Variants in ATP13A4 observed in about 807,000 individuals in gnomAD.
ATP13A4 encodes the protein probable cation-transporting ATPase 13A4.
ATP13A4 carries 114 observed loss-of-function variants against 142.5 expected under a neutral mutation model. The observed-to-expected ratio is 0.80, with a 90% CI of 0.69 to 0.93. The LOEUF (loss-of-function observed/expected upper bound fraction) is 0.93. Among genes scored for constraint, ATP13A4 ranks in the 40% least tolerant of loss-of-function variants. The pLI, the probability that ATP13A4 is intolerant of heterozygous loss-of-function variation, is 0.00. For missense variants in ATP13A4, 1,392 were observed against 1,454.0 expected (o/e 0.96, Z 0.69); for synonymous variants, 488 against 514.8 (o/e 0.95, Z 0.70).
chr3:193,580,488 G>C (rs955089536), intron 2 of ATP13A4, among the ~76,000 whole-genome samples: 1 of 152,162 alleles, frequency 6.6e-6, no homozygotes, highest in Admixed American at 6.6e-5. Context: ...CCTTCTGCAA[G>C]GCACACAATT....
chr3:193,497,249 T>C (rs1489510970), intron 3 of ATP13A4, among the ~76,000 whole-genome samples: 1 of 152,042 alleles, frequency 6.6e-6, no homozygotes, highest in Non-Finnish European at 1.5e-5. Context: ...TGATAGAAAA[T>C]GGGCAAAAGA....
Position 193,541,758 on chromosome 3 carries a change from A to C in ATP13A4, c.60+12982T>G, listed in dbSNP as rs574030696. Among the ~76,000 whole-genome samples the C allele has an allele frequency of 5.9e-5, 9 of 152,342 alleles. No homozygotes were observed. In the South Asian group the frequency reaches 6.2e-4, roughly 11 times the overall value. On this transcript the variant is annotated intron_variant, in intron 1 of 29. Coordinates refer to ENST00000342695, the MANE Select transcript of ATP13A4 (RefSeq NM_032279.4). ...CAACTCTAGGAGAGGGCATGTGACA[A>C]CAAGCATAGTATTCCAATGGCCACA... is the stretch of plus-strand genomic sequence containing the variant.
At chr3:193,461,920 T>C (rs554620628) in intron 13 of ATP13A4, among the ~76,000 whole-genome samples, 1 of 152,206 alleles carries the variant, frequency 6.6e-6, no homozygotes, top group South Asian at 2.1e-4. Context: ...CGTCTTTTCT[T>C]GCTAGGAAAA....
At chr3:193,570,277 C>T (rs1724231105) in intron 2 of ATP13A4, among the ~76,000 whole-genome samples, 1 of 152,150 alleles carries the variant, frequency 6.6e-6, no homozygotes, top group Non-Finnish European at 1.5e-5. Context: ...TGTGTAATTG[C>T]ACCACTGCAC....
At chr3:193,490,871 T>G (rs1040294875) in intron 6 of ATP13A4, among the ~76,000 whole-genome samples, 1 of 152,126 alleles carries the variant, frequency 6.6e-6, no homozygotes, top group African/African-American at 2.4e-5. Context: ...ATGAGCTCAG[T>G]GATGGGGTCC....
chr3:193,445,297 G>A (rs1015413085), intron 18 of ATP13A4, among the ~76,000 whole-genome samples: 9 of 151,882 alleles, frequency 5.9e-5, no homozygotes, highest in Middle Eastern at 3.2e-3. Context: ...TTAGCCAGGC[G>A]TTGTGTTGCG....
intron 16 of ATP13A4, 30 bp from the exon 17 acceptor site, chr3:193,454,242 G>T: frequency 6.6e-7 from 1 of 1,519,116 alleles, no homozygotes. Flanking sequence ...GGGTTAGTAC[G>T]CAGTTATTTG....
chr3:193,476,064 G>A (rs776921313), intron 8 of ATP13A4, among the ~76,000 whole-genome samples: 1 of 151,944 alleles, frequency 6.6e-6, no homozygotes, highest in Non-Finnish European at 1.5e-5. Context: ...GAAATTATAA[G>A]GTCAGTATAA....
intron 2 of ATP13A4, among the ~76,000 whole-genome samples, chr3:193,569,275 G>A (rs1012243482): frequency 6.6e-6 from 1 of 152,218 alleles, no homozygotes; most frequent in East Asian, 1.9e-4. Flanking sequence ...ATAAAGGGAC[G>A]TGGTACAAAA....
At chr3:193,554,661 T>A in intron 1 of ATP13A4, 79 bp downstream of exon 1, 5 of 301,504 alleles carry the variant, frequency 1.7e-5, no homozygotes, top group Non-Finnish European at 2.4e-5. Context: ...TGCGTGTGTG[T>A]GTGTGTGTGT....
chr3:193,501,539 G>C (rs1285946417), intron 3 of ATP13A4, among the ~76,000 whole-genome samples: 3 of 147,584 alleles, frequency 2.0e-5, no homozygotes, highest in Non-Finnish European at 3.0e-5. Context: ...AGTGAGCCAA[G>C]ACAGCGCCAT....
chr3:193,401,382 G>A lies in ATP13A4; in HGVS notation c.*1270C>T, dbSNP rs2108596958. ...CAATTTTAGTTTTCTGGAAACTCAA[G>A]CCACAAACTTTAAAAAAAAAATGTA... On this transcript the variant is annotated 3_prime_UTR_variant, in exon 30 of 30. Coordinates refer to ENST00000342695, the MANE Select transcript of ATP13A4 (RefSeq NM_032279.4). Among the ~76,000 whole-genome samples the A allele has an allele frequency of 6.6e-6, 1 of 152,006 alleles. No individual in the cohort carries two copies. The highest frequency in any genetic ancestry group is 1.5e-5 in the Non-Finnish European group (1 of 67,994).
intron 25 of ATP13A4, chr3:193,418,989 T>C (rs1448933042): frequency 2.0e-5 from 3 of 150,370 alleles, no homozygotes; most frequent in Non-Finnish European, 2.9e-5. Flanking sequence ...ATTCCCACTG[T>C]ACCATGTCCT....
intron 18 of ATP13A4, among the ~76,000 whole-genome samples, chr3:193,445,613 T>C (rs1716903725): frequency 6.7e-6 from 1 of 150,098 alleles, no homozygotes; most frequent in African/African-American, 2.5e-5. Context: ...AAAAATTAGC[T>C]GGGCGTGGTG....
Position 193,457,085 on chromosome 3 carries a change from G to C in ATP13A4, c.1830C>G (p.Val610=), listed in dbSNP as rs759744779. The C allele has an allele frequency of 6.2e-7, 1 of 1,613,994 alleles. No homozygotes were observed. Among genetic ancestry groups the C allele is most frequent in the Non-Finnish European group, 8.5e-7 (1 of 1,180,048 alleles). Residue 610 remains valine (V), a synonymous_variant, in exon 16 of 30, where the codon GTC becomes GTG. Transcript: ENST00000342695. ...GGTCACCTCCCATCTCTTGGACAATGACTGTCATTCTTTGCAGTGCCGATG... is the reference window on the plus strand; with the variant it reads ...GGTCACCTCCCATCTCTTGGACAATCACTGTCATTCTTTGCAGTGCCGATG... ...PFSSALQRMT[V]IVQEMGGDRL... is the part of the protein sequence containing the mutation.
intron 3 of ATP13A4, among the ~76,000 whole-genome samples, chr3:193,497,609 T>G (rs553636321): frequency 6.6e-6 from 1 of 152,242 alleles, no homozygotes; most frequent in East Asian, 1.9e-4. Flanking sequence ...AATAAATATC[T>G]GCACTCTCGT....
intron 19 of ATP13A4, 124 bp downstream of exon 19, chr3:193,442,269 G>A: frequency 9.8e-7 from 1 of 1,020,954 alleles, no homozygotes; most frequent in Admixed American, 2.0e-5. Flanking sequence ...ATGTAACTGA[G>A]TTCGTTCAAA....
Position 193,504,020 on chromosome 3 carries a change from T to TGTGTGTGTGAGA in ATP13A4, c.235-1382_235-1381insTCTCACACACAC, listed in dbSNP as rs1034644341. Among the ~76,000 whole-genome samples the TGTGTGTGTGAGA allele has an allele frequency of 4.5e-3, 643 of 144,286 alleles. 3 individuals are homozygous for TGTGTGTGTGAGA. The highest frequency in any genetic ancestry group is 0.015 in the African/African-American group (598 of 38,636). The allele number at this position is 144,286 out of a possible 152,430, so 94.7% of individuals were successfully genotyped here. The stretch of plus-strand genomic sequence containing the variant: ...ATGTGTGTGTGTGTGTGTGTGTGTG[T>TGTGTGTGTGAGA]GAGAGAGAGAGAGAGAGAGAGAAAG... On this transcript the variant is annotated intron_variant, in intron 2 of 29. Coordinates refer to ENST00000342695, the MANE Select transcript of ATP13A4 (RefSeq NM_032279.4).
chr3:193,531,427 G>A (rs928540888), intron 1 of ATP13A4, among the ~76,000 whole-genome samples: 1 of 151,640 alleles, frequency 6.6e-6, no homozygotes, highest in African/African-American at 2.4e-5. Context: ...AGGAGGGAAG[G>A]AGGGAAGGAG....
Sources: allele counts gnomAD v4.1 joint callset (sites outside exome capture counted in the v4.1 genomes callset), GRCh38; gene constraint gnomAD v4.1.1; transcripts MANE v1.5; gene names NCBI Gene and HGNC (gene_info 2026-07-23, HGNC 2026-07-21).